The following BANP variants were observed in gnomAD, a reference collection of about 807,000 sequenced individuals.
BANP encodes the protein BTG3 associated nuclear protein, also known as protein BANP.
A neutral mutation model predicts 68.1 loss-of-function variants in BANP; 11 were observed. The observed-to-expected ratio is 0.16, with a 90% CI of 0.10 to 0.27. The LOEUF (loss-of-function observed/expected upper bound fraction) is 0.27, where lower values mean the gene tolerates loss of function less well. Among genes scored for constraint, BANP ranks in the 10% least tolerant of loss-of-function variants. The pLI is 1.00. For synonymous variants in BANP, 329 were observed against 303.2 expected (o/e 1.09, Z -0.88); for missense variants, 504 against 722.7 (o/e 0.70, Z 3.47).
intron 11 of BANP, among the ~76,000 whole-genome samples, chr16:88,042,419 G>A (rs2081056140): frequency 1.3e-5 from 2 of 152,180 alleles, no homozygotes; most frequent in Non-Finnish European, 2.9e-5. Flanking sequence ...CTTCCTCTCA[G>A]CTCTGGGCCC....
At chr16:87,955,991 C>T (rs567464124) in intron 1 of BANP, among the ~76,000 whole-genome samples, 39 of 152,270 alleles carry the variant, frequency 2.6e-4, no homozygotes, top group African/African-American at 7.9e-4. Context: ...CTGGTCCACA[C>T]GGAAGGCCTT....
In BANP at chr16:88,072,149, C is replaced by T. The variant is rs1238033788; in HGVS notation, c.1458C>T (p.Gly486=). The change falls in exon 13 of 14, where the codon GGC becomes GGT. Residue 486 remains glycine, a synonymous_variant. Coordinates refer to ENST00000682872, the MANE Select transcript of BANP (RefSeq NM_001386991.1). The part of the protein sequence containing the change: ...AAGVDGSPLQ[G]SDIQVQYVQL... ...GCGTGGATGGGTCGCCACTCCAGGGCAGCGACATCCAGGTTCAGTACGTGC... is the reference window on the plus strand; with the variant it reads ...GCGTGGATGGGTCGCCACTCCAGGGTAGCGACATCCAGGTTCAGTACGTGC... 3.7e-6 allele frequency: 6 copies of T among 1,611,420 alleles called. No homozygotes were observed. Among genetic ancestry groups the T allele is most frequent in the East Asian group, 2.2e-5 (1 of 44,834 alleles).
intron 11 of BANP, among the ~76,000 whole-genome samples, chr16:88,042,576 G>GAATCACCTTCT (rs1487826889): frequency 3.3e-5 from 5 of 152,258 alleles, no homozygotes; most frequent in Non-Finnish European, 7.3e-5. Context: ...AGAGGGAAGA[G>GAATCACCTTCT]AAGGTGAAGG....
intron 13 of BANP, among the ~76,000 whole-genome samples, chr16:88,076,013 T>C (rs570783197): frequency 6.6e-6 from 1 of 152,316 alleles, no homozygotes; most frequent in African/African-American, 2.4e-5. Context: ...CCCAAAGCCC[T>C]GGGATTATAG....
intron 6 of BANP, among the ~76,000 whole-genome samples, chr16:88,012,633 CTG>C (rs1214043916): frequency 8.5e-5 from 13 of 152,352 alleles, no homozygotes; most frequent in African/African-American, 3.1e-4. Context: ...CAGGAACACT[CTG>C]AGCCATCGCC....
At chr16:88,038,766 C>T (rs1363671596) in intron 11 of BANP, among the ~76,000 whole-genome samples, 5 of 152,168 alleles carry the variant, frequency 3.3e-5, no homozygotes, top group Admixed American at 2.0e-4. Context: ...CTGTGTGTTC[C>T]TAGGTCCTGG....
Position 87,984,052 on chromosome 16 carries a change from A to G in BANP, c.163-8A>G. ...CCCTTCCTAAAGCCGGTCTTTTTTC[A>G]CTTCCAGTCATTCCTGTATTCCATC... On this transcript the variant is annotated splice_polypyrimidine_tract_variant and splice_region_variant and intron_variant, in intron 3 of 13. Coordinates refer to ENST00000682872, the MANE Select transcript of BANP (RefSeq NM_001386991.1). 1 of 1,613,582 alleles carries G rather than the reference A, an allele frequency of 6.2e-7. No homozygotes were observed. Among genetic ancestry groups the G allele is most frequent in the Non-Finnish European group, 8.5e-7 (1 of 1,179,778 alleles).
chr16:88,054,341 C>T (rs4843781), intron 11 of BANP, among the ~76,000 whole-genome samples: 122,055 of 123,386 alleles, frequency 0.99, 60,409 homozygotes, highest in East Asian at 1. Flanking sequence ...TCCATCATCA[C>T]CACCAACACA....
rs139003055 is a variant in BANP, at chr16:88,018,501, C to T, written c.729C>T (p.Pro243=). 1.5e-5 allele frequency: 24 copies of T among 1,613,464 alleles called. No individual in the cohort carries two copies. Among genetic ancestry groups the T allele is most frequent in the Admixed American group, 1.2e-4 (7 of 59,998 alleles). ...PEMRVRCAII[P]SDMLHISTNC... The stretch of plus-strand genomic sequence containing the variant: ...TGCGGGTACGCTGCGCCATCATCCC[C>T]TCCGACATGCTGCACATCAGCACCA... Residue 243 remains proline (P), a synonymous_variant, in exon 7 of 14, where the codon CCC becomes CCT. Coordinates refer to ENST00000682872, the MANE Select transcript of BANP (RefSeq NM_001386991.1). The surrounding 1 kb of genome is among the most constrained non-coding windows in gnomAD (Gnocchi z 7.7).
At chr16:88,005,821 C>T (rs955670669) in intron 5 of BANP, among the ~76,000 whole-genome samples, 2 of 152,240 alleles carry the variant, frequency 1.3e-5, no homozygotes, top group African/African-American at 4.8e-5. Flanking sequence ...GCATGCTAGG[C>T]CTGAGTCCCA....
At chr16:88,044,981 C>CA (rs750381029) in intron 11 of BANP, among the ~76,000 whole-genome samples, 160 of 138,906 alleles carry the variant, frequency 1.2e-3, no homozygotes, top group Middle Eastern at 3.6e-3. Context: ...GACTCCGTCT[C>CA]AAAAAAAAAA....
intron 11 of BANP, among the ~76,000 whole-genome samples, chr16:88,047,463 G>A (rs1375082260): frequency 6.6e-6 from 1 of 152,232 alleles, no homozygotes; most frequent in African/African-American, 2.4e-5. Flanking sequence ...GTGTGCATCA[G>A]TCAGGCTTGG....
chr16:88,030,405 T>C (rs1015652331), intron 8 of BANP, among the ~76,000 whole-genome samples: 2 of 150,586 alleles, frequency 1.3e-5, no homozygotes, highest in African/African-American at 4.9e-5. Flanking sequence ...ACTCGAAGAG[T>C]GAGGAGAGTT....
chr16:87,979,798 C>CA (rs2062914723), intron 2 of BANP, among the ~76,000 whole-genome samples: 1 of 152,140 alleles, frequency 6.6e-6, no homozygotes, highest in Non-Finnish European at 1.5e-5. Context: ...TGTAAATAGT[C>CA]ACACACTGGT....
intron 11 of BANP, among the ~76,000 whole-genome samples, chr16:88,048,422 T>C (rs1469374025): frequency 6.6e-6 from 1 of 152,022 alleles, no homozygotes; most frequent in African/African-American, 2.4e-5. Flanking sequence ...ATTCTAACAG[T>C]GTTCTCGGTA....
chr16:88,040,276 C>G (rs1315182040), intron 11 of BANP, among the ~76,000 whole-genome samples: 2 of 139,134 alleles, frequency 1.4e-5, no homozygotes, highest in Non-Finnish European at 3.2e-5. Context: ...TTTTTTCCAT[C>G]ATTTGGCCAG....
intron 2 of BANP, among the ~76,000 whole-genome samples, chr16:87,976,474 G>GTTGTTTTT (rs547523394): frequency 1.0e-5 from 1 of 95,972 alleles, no homozygotes; most frequent in Non-Finnish European, 2.0e-5. Flanking sequence ...GTTTTAAAAA[G>GTTGTTTTT]TTTTTTTTTT....
intron 8 of BANP, among the ~76,000 whole-genome samples, chr16:88,032,357 A>G (rs545647573): frequency 1.3e-5 from 2 of 151,104 alleles, no homozygotes; most frequent in East Asian, 3.9e-4. Context: ...CCCCACCACC[A>G]CGCCTGTCTA....
intron 2 of BANP, among the ~76,000 whole-genome samples, chr16:87,975,408 G>A (rs1483837574): frequency 6.6e-6 from 1 of 152,164 alleles, no homozygotes; most frequent in Non-Finnish European, 1.5e-5. Context: ...GTGACACTTT[G>A]TCTCGAGGGC....
Sources: gnomAD v4.1 joint callset for allele counts (sites outside exome capture counted in the v4.1 genomes callset) on GRCh38, gnomAD v4.1.1 for gene constraint, Gnocchi (gnomAD v3.1) non-coding constraint, MANE v1.5 for transcripts, NCBI Gene and HGNC (gene_info 2026-07-23, HGNC 2026-07-21) for gene names.